The following ZNF611 variants were observed in gnomAD, a reference collection of about 807,000 sequenced individuals.
ZNF611 encodes zinc finger protein 611.
Under a neutral mutation model 8.9 loss-of-function variants are expected in ZNF611, and 6 were observed. The observed-to-expected ratio is 0.68, with a 90% CI of 0.37 to 1.34. ZNF611 has a LOEUF of 1.34. Among genes scored for constraint, ZNF611 ranks in the 40% most tolerant of loss-of-function variants. The pLI, the probability that ZNF611 is intolerant of heterozygous loss-of-function variation, is 0.02. For synonymous variants in ZNF611, 262 were observed against 279.7 expected, an observed-to-expected ratio of 0.94 and a Z score of 0.63; for missense variants, 874 against 841.3, an observed-to-expected ratio of 1.04 and a Z score of -0.48.
chr19:52,733,878 C>T (rs12981040), intron 1 of ZNF611, among the ~76,000 whole-genome samples: 2,731 of 152,124 alleles, frequency 0.018, 26 homozygotes, highest in Non-Finnish European at 0.029. Context: ...TCTGCCTCTT[C>T]TCCCATCTCT....
chr19:52,716,189 C>A, intron 3 of ZNF611: 1 of 337,830 alleles, frequency 3.0e-6, no homozygotes, highest in East Asian at 5.2e-5. Flanking sequence ...AGGGCACAGA[C>A]TCATCCTTCA....
In ZNF611 at chr19:52,730,512, G is replaced by A. The variant is rs189371503; in HGVS notation, c.-221-507C>T. On this transcript the variant is annotated intron_variant, in intron 1 of 5. Transcript: ENST00000652185. Reference sequence around the variant, plus strand: ...CCAATAGGATGTTCCTGCAGATGGGGCCTGTGAGAGAATTTGGTCATGGGT... The same window carrying A: ...CCAATAGGATGTTCCTGCAGATGGGACCTGTGAGAGAATTTGGTCATGGGT... Among the ~76,000 whole-genome samples the A allele has an allele frequency of 2.2e-3, 342 of 152,104 alleles. 15 individuals carry two copies. The highest frequency in any genetic ancestry group is 0.022 in the Admixed American group (337 of 15,250).
rs146059438 is a variant in ZNF611, at chr19:52,716,322, G to A, written c.-19-409C>T. ...CTGCACACAGATGACAAGCACCTGG[G>A]CCACTGCAGGTATTACTGAGGGTGG... is the stretch of plus-strand genomic sequence containing the variant. On this transcript the variant is annotated intron_variant, in intron 3 of 5. Coordinates refer to ENST00000652185, the MANE Select transcript of ZNF611 (RefSeq NM_001161499.2). 1.0e-3 allele frequency: 166 copies of A among 161,010 alleles called. 1 individual carries two copies. Among genetic ancestry groups the A allele is most frequent in the African/African-American group, 3.5e-3 (146 of 41,838 alleles). 10.0% of individuals were successfully genotyped at this position (161,010 alleles called of 1,614,324 possible). A position where few individuals can be genotyped will look rare whatever the true frequency, so the allele number is the denominator to read the frequency against.
At chr19:52,720,757 A>G (rs1265620585) in intron 3 of ZNF611, among the ~76,000 whole-genome samples, 1 of 139,248 alleles carries the variant, frequency 7.2e-6, no homozygotes, top group African/African-American at 2.7e-5. Flanking sequence ...GGCCAGGCAG[A>G]GGTGCTCCCC....
chr19:52,730,111 A>C (rs1351405261), intron 1 of ZNF611, 106 bp from the exon 2 acceptor site: 1 of 152,168 alleles, frequency 6.6e-6, no homozygotes, highest in Middle Eastern at 3.2e-3. Flanking sequence ...AACATGATGT[A>C]GGCCGGGCGC....
At chr19:52,714,290 C>G (rs577660635) in intron 4 of ZNF611, 149 bp from the exon 5 acceptor site, 97 of 1,443,948 alleles carry the variant, frequency 6.7e-5, no homozygotes, top group South Asian at 3.8e-4. Context: ...TATTTTTTCC[C>G]TATAGTTGCG....
At chr19:52,725,525 C>A (rs1003187121) in intron 3 of ZNF611, among the ~76,000 whole-genome samples, 4 of 152,314 alleles carry the variant, frequency 2.6e-5, no homozygotes, top group Admixed American at 2.0e-4. Flanking sequence ...AGCAGAAAGA[C>A]CGGGGACGGG....
At chr19:52,732,949 G>A (rs2147452762) in intron 1 of ZNF611, among the ~76,000 whole-genome samples, 1 of 133,390 alleles carries the variant, frequency 7.5e-6, no homozygotes, top group Middle Eastern at 3.6e-3. Context: ...GTCAGACCCT[G>A]TCTCAAAATA....
intron 1 of ZNF611, among the ~76,000 whole-genome samples, chr19:52,732,261 C>T (rs1841120126): frequency 6.6e-6 from 1 of 152,068 alleles, no homozygotes; most frequent in African/African-American, 2.4e-5. Context: ...CAGAGCAAAA[C>T]TCCATCTCAA....
At position 52,706,469 on chromosome 19, in the gene ZNF611, T is replaced by G. The variant is rs1361526364; in HGVS notation, c.586A>C (p.Ile196Leu). 6.2e-7 allele frequency: 1 copy of G among 1,614,042 alleles called. No individual in the cohort carries two copies. Among genetic ancestry groups the G allele is most frequent in the Non-Finnish European group, 8.5e-7 (1 of 1,180,038 alleles). ...ATCTGGGTTTGGGGCCTACAGGAAA[T>G]TCTTTGGAATGTTGAAACTGAGGGA... ...DAPSVSTFQR[I>L]SCRPQTQISN... The change falls in exon 6 of 6, where the codon ATT (isoleucine) becomes CTT (leucine). Residue 196 changes from isoleucine to leucine, a missense_variant. By Grantham distance (5) the Ile-to-Leu change is conservative. Coordinates refer to ENST00000652185, the MANE Select transcript of ZNF611 (RefSeq NM_001161499.2).
chr19:52,707,555 A>G (rs929874774), intron 5 of ZNF611: 20 of 152,050 alleles, frequency 1.3e-4, no homozygotes, highest in Non-Finnish European at 2.8e-4. Context: ...AAAAAAAAAA[A>G]AAAAAAGTTA....
At position 52,704,736 on chromosome 19, in the gene ZNF611, C is replaced by G; in HGVS notation, c.*201G>C. ...TTGCCTGATGGTGAATAAGTGTTGA[C>G]TGCTTGCCAAAGGCTTTGCCACACT... is the stretch of plus-strand genomic sequence containing the variant. On this transcript the variant is annotated 3_prime_UTR_variant, in exon 6 of 6. Transcript: ENST00000652185. The G allele has an allele frequency of 6.3e-7, 1 of 1,599,490 alleles. No individual in the cohort carries two copies.
intron 5 of ZNF611, among the ~76,000 whole-genome samples, chr19:52,710,809 A>T (rs558803451): frequency 6.6e-6 from 1 of 152,310 alleles, no homozygotes; most frequent in South Asian, 2.1e-4. Flanking sequence ...GCCATCTAAT[A>T]GTACTCATTT....
rs764764933 is a variant in ZNF611 at position 52,704,465 on chromosome 19, T to C, written c.*472A>G. Reference sequence around the variant, plus strand: ...GGTTTCTCTCCTGTATAAATTCTCCTATGTTTTGCATAGGATGAAGCTTGA... The same window carrying C: ...GGTTTCTCTCCTGTATAAATTCTCCCATGTTTTGCATAGGATGAAGCTTGA... On this transcript the variant is annotated 3_prime_UTR_variant, in exon 6 of 6. Transcript: ENST00000652185. 5 of 794,862 alleles carry C rather than the reference T, an allele frequency of 6.3e-6. No homozygotes were observed. Among genetic ancestry groups the C allele is most frequent in the Non-Finnish European group, 8.8e-6 (4 of 456,204 alleles). 49.2% of individuals were successfully genotyped at this position (794,862 alleles called of 1,614,324 possible).
At chr19:52,712,632 C>T (rs904088689) in intron 5 of ZNF611, among the ~76,000 whole-genome samples, 5 of 139,338 alleles carry the variant, frequency 3.6e-5, no homozygotes, top group African/African-American at 1.1e-4. Flanking sequence ...AGCAATACTC[C>T]GTCTGAAAAA....
intron 3 of ZNF611, among the ~76,000 whole-genome samples, chr19:52,718,875 G>T (rs1264270197): frequency 6.6e-6 from 1 of 151,892 alleles, no homozygotes; most frequent in Non-Finnish European, 1.5e-5. Context: ...CTTAAAAAAT[G>T]AAAAGCAACT....
intron 3 of ZNF611, among the ~76,000 whole-genome samples, chr19:52,721,943 G>C (rs143991986): frequency 0.01 from 1,568 of 152,182 alleles, 11 homozygotes; most frequent in Non-Finnish European, 0.016. Context: ...AGCTACTCAG[G>C]GGGTAGTATC....
chr19:52,730,417 A>C (rs200017512), intron 1 of ZNF611, among the ~76,000 whole-genome samples: 6,264 of 128,828 alleles, frequency 0.049, 405 homozygotes, highest in African/African-American at 0.13. Context: ...AAAAAAAAAA[A>C]AAAAAAACAT....
intron 3 of ZNF611, among the ~76,000 whole-genome samples, chr19:52,722,517 T>A (rs2062366453): frequency 6.6e-6 from 1 of 152,062 alleles, no homozygotes; most frequent in Non-Finnish European, 1.5e-5. Context: ...CACAACTGAG[T>A]AAGTCACTGC....
Sources: gnomAD v4.1 joint callset for allele counts (sites outside exome capture counted in the v4.1 genomes callset) on GRCh38, gnomAD v4.1.1 for gene constraint, MANE v1.5 for transcripts, NCBI Gene and HGNC (gene_info 2026-07-23, HGNC 2026-07-21) for gene names.